Variants in PCCA observed in about 807,000 individuals in gnomAD.
PCCA encodes the protein propionyl-CoA carboxylase alpha chain, mitochondrial.
Under a neutral mutation model 101.3 loss-of-function variants are expected in PCCA, and 74 were observed. The ratio of observed to expected loss-of-function variants is 0.73; its 90% CI spans 0.61 to 0.89. PCCA has a LOEUF of 0.89. Ranked by LOEUF, PCCA falls within the 40% of genes least tolerant of loss-of-function variation. PCCA has a pLI of 0.00. For missense variants in PCCA, 891 were observed against 907.0 expected, an observed-to-expected ratio of 0.98 and a Z score of 0.23; for synonymous variants, 294 against 313.6, an observed-to-expected ratio of 0.94 and a Z score of 0.66.
At chr13:100,123,551 C>T (rs1671702284) in intron 4 of PCCA, among the ~76,000 whole-genome samples, 1 of 152,020 alleles carries the variant, frequency 6.6e-6, no homozygotes, top group African/African-American at 2.4e-5. Context: ...ATGAGGACTT[C>T]TTATTTTTGT....
At position 100,505,752 on chromosome 13, in the gene PCCA, A is replaced by AG. The variant is rs779053598; in HGVS notation, c.1900-9673dup. Among the ~76,000 whole-genome samples, 41 of 152,276 alleles carry AG rather than the reference A, an allele frequency of 2.7e-4. 1 individual carries two copies. The highest frequency in any genetic ancestry group is 5.0e-4 in the Non-Finnish European group (34 of 68,018). On this transcript the variant is annotated intron_variant, in intron 21 of 23. Transcript: ENST00000376285. ...CATGGTGGCGTCTGCCTGTAGTCCC[A>AG]GGTACTTGGGAGTCTGACGTGGGAG...
At chr13:100,315,065 C>A (rs986737961) in intron 16 of PCCA, among the ~76,000 whole-genome samples, 2 of 152,066 alleles carry the variant, frequency 1.3e-5, no homozygotes, top group Non-Finnish European at 2.9e-5. Flanking sequence ...CTGCAACTTA[C>A]CTTCATATGT....
chr13:100,159,283 G>T (rs1205006434), intron 6 of PCCA, among the ~76,000 whole-genome samples: 1 of 151,442 alleles, frequency 6.6e-6, no homozygotes, highest in East Asian at 1.9e-4. Flanking sequence ...TAGAGACGGG[G>T]TTTCACCATT....
chr13:100,226,761 TG>T (rs895096132), intron 7 of PCCA, among the ~76,000 whole-genome samples: 5 of 152,182 alleles, frequency 3.3e-5, no homozygotes, highest in African/African-American at 1.2e-4. Context: ...CATGGTAGTT[TG>T]GGGTGGCGGG....
chr13:100,285,438 A>G (rs1291579435), intron 12 of PCCA, among the ~76,000 whole-genome samples: 1 of 152,284 alleles, frequency 6.6e-6, no homozygotes, highest in East Asian at 1.9e-4. Flanking sequence ...CCAGTGGCAT[A>G]CCTAAGTAAG....
chr13:100,526,063 T>C (rs2087781137), intron 22 of PCCA, among the ~76,000 whole-genome samples: 1 of 152,196 alleles, frequency 6.6e-6, no homozygotes, highest in Non-Finnish European at 1.5e-5. Context: ...CAGGGTCCCC[T>C]GTGTGGAGCT....
chr13:100,131,140 G>T (rs2050474811), intron 4 of PCCA, among the ~76,000 whole-genome samples: 1 of 152,246 alleles, frequency 6.6e-6, no homozygotes, highest in African/African-American at 2.4e-5. Context: ...AAAAAAAAGG[G>T]GCTTGGCTTA....
chr13:100,415,462 A>G (rs565601498), intron 19 of PCCA, among the ~76,000 whole-genome samples: 1 of 152,306 alleles, frequency 6.6e-6, no homozygotes, highest in African/African-American at 2.4e-5. Context: ...TTTGTGCAGA[A>G]CAGTCACTTC....
chr13:100,135,508 G>C (rs2051052007), intron 4 of PCCA, among the ~76,000 whole-genome samples: 1 of 152,146 alleles, frequency 6.6e-6, no homozygotes, highest in Admixed American at 6.6e-5. Context: ...TTTGAATGTT[G>C]ACCTTGCATT....
At chr13:100,475,375 G>T (rs1167417839) in intron 21 of PCCA, among the ~76,000 whole-genome samples, 1 of 152,108 alleles carries the variant, frequency 6.6e-6, no homozygotes, top group Non-Finnish European at 1.5e-5. Flanking sequence ...TTCTGTCTGT[G>T]TATAGCTTAT....
intron 18 of PCCA, among the ~76,000 whole-genome samples, chr13:100,341,175 C>T (rs529361038): frequency 1.3e-5 from 2 of 152,130 alleles, no homozygotes; most frequent in Admixed American, 6.5e-5. Flanking sequence ...TTGGTAGCTA[C>T]CAGGGAGAGA....
intron 4 of PCCA, among the ~76,000 whole-genome samples, chr13:100,146,534 C>T (rs1007087250): frequency 3.6e-4 from 54 of 149,880 alleles, no homozygotes; most frequent in African/African-American, 1.2e-3. Context: ...AAGATCGTGC[C>T]ACTGCACTCC....
chr13:100,445,585 C>G (rs1035062096), intron 20 of PCCA, among the ~76,000 whole-genome samples: 2 of 151,966 alleles, frequency 1.3e-5, no homozygotes, highest in African/African-American at 4.8e-5. Flanking sequence ...TCCTCAACAC[C>G]CCCTCCCCAA....
In PCCA at chr13:100,138,725, G is replaced by T. The variant is rs1049503113; in HGVS notation, c.301-16254G>T. On this transcript the variant is annotated intron_variant, in intron 4 of 23. Transcript: ENST00000376285. ...CGAAGCGGGTGGATCACGAGGTCAG[G>T]AGTTCAAGACCAGCCTGGCCAAGAT... Among the ~76,000 whole-genome samples, 7 of 152,028 alleles carry T rather than the reference G, an allele frequency of 4.6e-5. No homozygotes were observed. The East Asian group carries it at 1.4e-3, about 29-fold the overall frequency.
chr13:100,328,375 A>ATAG (rs1277711798), intron 16 of PCCA, among the ~76,000 whole-genome samples: 1 of 14,450 alleles, frequency 6.9e-5, no homozygotes, highest in Middle Eastern at 0.062. Context: ...AAAATATATA[A>ATAG]TAATAATAAT....
chr13:100,451,550 C>T (rs575426590), intron 21 of PCCA, among the ~76,000 whole-genome samples: 1 of 152,116 alleles, frequency 6.6e-6, no homozygotes, highest in Non-Finnish European at 1.5e-5. Context: ...TGCTACTTAG[C>T]ATCTCTACTG....
chr13:100,328,131 G>A (rs973743749), intron 16 of PCCA, among the ~76,000 whole-genome samples: 4 of 152,116 alleles, frequency 2.6e-5, no homozygotes, highest in Non-Finnish European at 5.9e-5. Context: ...TCGGGAGGCC[G>A]AGGCGGGCAG....
chr13:100,359,106 A>AAAG (rs1375231305), intron 18 of PCCA, among the ~76,000 whole-genome samples: 1 of 151,632 alleles, frequency 6.6e-6, no homozygotes, highest in South Asian at 2.1e-4. Context: ...CAAAAAAAAA[A>AAAG]AAAAAGAAAA....
chr13:100,239,566 A>G (rs578236100), intron 8 of PCCA, among the ~76,000 whole-genome samples: 4 of 152,178 alleles, frequency 2.6e-5, no homozygotes, highest in East Asian at 3.9e-4. Context: ...ACTTTGACCT[A>G]TCTAAGTTGA....
Sources: allele counts gnomAD v4.1 joint callset (sites outside exome capture counted in the v4.1 genomes callset), GRCh38; gene constraint gnomAD v4.1.1; transcripts MANE v1.5; gene names NCBI Gene and HGNC (gene_info 2026-07-23, HGNC 2026-07-21).